The following CNTN6 variants were observed in gnomAD, a reference collection of about 807,000 sequenced individuals.
The protein encoded by CNTN6 is contactin 6.
CNTN6 carries 137 observed loss-of-function variants against 122.8 expected under a neutral mutation model. That is an observed-to-expected ratio of 1.12 (90% CI 0.97 to 1.29). CNTN6 has a LOEUF of 1.29. CNTN6 is among the 50% of genes most tolerant of loss of function. The pLI is 0.00. For synonymous variants in CNTN6, 570 were observed against 426.0 expected (o/e 1.34, Z -4.16); for missense variants, 1,634 against 1,223.4 (o/e 1.34, Z -5.01).
At chr3:1,107,652 G>C (rs946807487) in intron 1 of CNTN6, among the ~76,000 whole-genome samples, 5 of 152,026 alleles carry the variant, frequency 3.3e-5, no homozygotes, top group Admixed American at 1.3e-4. Context: ...CATGCTCCAG[G>C]TGTGGTGGCT....
chr3:1,246,295 C>A (rs1271582217), intron 4 of CNTN6, among the ~76,000 whole-genome samples: 1 of 152,026 alleles, frequency 6.6e-6, no homozygotes. Flanking sequence ...TAAAATCATG[C>A]AATATATAAT....
intron 12 of CNTN6, among the ~76,000 whole-genome samples, chr3:1,357,980 T>A (rs1415577140): frequency 6.6e-6 from 1 of 151,872 alleles, no homozygotes; most frequent in African/African-American, 2.4e-5. Context: ...TAGAACATCA[T>A]TATCATCCAA....
chr3:1,272,861 T>C (rs1396593157), intron 4 of CNTN6, among the ~76,000 whole-genome samples: 7 of 152,222 alleles, frequency 4.6e-5, no homozygotes, highest in East Asian at 3.9e-4. Flanking sequence ...TGCAAAGATA[T>C]ATTCTCTTAC....
intron 5 of CNTN6, among the ~76,000 whole-genome samples, chr3:1,286,638 T>C (rs116090212): frequency 2.6e-4 from 40 of 152,328 alleles, no homozygotes; most frequent in African/African-American, 9.4e-4. Context: ...CAGTCTATCA[T>C]TGATGGGCAT....
At chr3:1,246,700 A>G (rs55902225) in intron 4 of CNTN6, among the ~76,000 whole-genome samples, 1 of 152,116 alleles carries the variant, frequency 6.6e-6, no homozygotes, top group Non-Finnish European at 1.5e-5. Context: ...CAGTCTTTTT[A>G]AAAATTTTAG....
rs1375934593 is a variant in CNTN6 at position 1,299,407 on chromosome 3, T to TG, written c.761+1418dup. Among the ~76,000 whole-genome samples, 26 of 152,288 alleles carry TG rather than the reference T, an allele frequency of 1.7e-4. 1 individual carries two copies. In the East Asian group the frequency reaches 5.0e-3, roughly 29 times the overall value. On this transcript the variant is annotated intron_variant, in intron 7 of 22. Coordinates refer to ENST00000446702, the MANE Select transcript of CNTN6 (RefSeq NM_001289080.2). ...TATTAATAGCTTATTTAATCATATTTGGCATCAGGAAATATAGATTCCTGA... is the reference window on the plus strand; with the variant it reads ...TATTAATAGCTTATTTAATCATATTTGGGCATCAGGAAATATAGATTCCTGA...
In CNTN6 at chr3:1,385,761, T is replaced by C. The variant is rs1382352050; in HGVS notation, c.2668T>C (p.Ser890Pro). 6.2e-7 allele frequency: 1 copy of C among 1,612,864 alleles called. No individual in the cohort carries two copies. Among genetic ancestry groups the C allele is most frequent in the African/African-American group, 1.3e-5 (1 of 74,834 alleles). The part of the protein sequence containing the change: ...RAYNTAGTGP[S>P]SPPVNVTTKK... ...TTACAACACTGCTGGGACAGGGCCC[T>C]CAAGCCCCCCAGTCAATGTTACCAC... The change falls in exon 20 of 23, where the codon TCA (serine) becomes CCA (proline). Residue 890 changes from serine (S) to proline (P), a missense_variant. By Grantham distance (74) the Ser-to-Pro change is moderately conservative. Transcript: ENST00000446702.
intron 11 of CNTN6, among the ~76,000 whole-genome samples, chr3:1,334,218 C>A (rs1702724272): frequency 1.3e-5 from 2 of 152,164 alleles, no homozygotes; most frequent in East Asian, 1.9e-4. Flanking sequence ...TTAGACCCAC[C>A]AGTGGTTTAG....
At chr3:1,140,311 C>A (rs1279510988) in intron 1 of CNTN6, among the ~76,000 whole-genome samples, 3 of 152,114 alleles carry the variant, frequency 2.0e-5, no homozygotes, top group Non-Finnish European at 4.4e-5. Context: ...GAGGCTGGAG[C>A]TATGCTTTGG....
At chr3:1,298,064 C>T in intron 7 of CNTN6, 73 bp downstream of exon 7, 2 of 1,036,534 alleles carry the variant, frequency 1.9e-6, no homozygotes, top group Non-Finnish European at 2.9e-6. Flanking sequence ...TTTTGTTATT[C>T]ATATATTGCT....
chr3:1,348,444 C>T (rs1310171299), intron 11 of CNTN6, among the ~76,000 whole-genome samples: 2 of 151,860 alleles, frequency 1.3e-5, no homozygotes, highest in Admixed American at 1.3e-4. Flanking sequence ...TTTAAGATGC[C>T]ACATAAACTA....
At chr3:1,114,543 C>T (rs1345920166) in intron 1 of CNTN6, among the ~76,000 whole-genome samples, 1 of 152,108 alleles carries the variant, frequency 6.6e-6, no homozygotes, top group Non-Finnish European at 1.5e-5. Flanking sequence ...TTTTCTTTCT[C>T]AAGGGGATCA....
intron 7 of CNTN6, among the ~76,000 whole-genome samples, chr3:1,308,504 T>A (rs1485499087): frequency 2.6e-5 from 4 of 152,246 alleles, no homozygotes; most frequent in South Asian, 4.1e-4. Context: ...GTGTCATTTA[T>A]TTAGGCGCTC....
At chr3:1,213,498 C>A (rs4684826) in intron 2 of CNTN6, among the ~76,000 whole-genome samples, 2 of 151,728 alleles carry the variant, frequency 1.3e-5, no homozygotes, top group Non-Finnish European at 2.9e-5. Context: ...TTTAATATAA[C>A]GCATTTTTAT....
chr3:1,096,377 A>T (rs911635214), intron 1 of CNTN6, among the ~76,000 whole-genome samples: 12 of 151,616 alleles, frequency 7.9e-5, no homozygotes, highest in Non-Finnish European at 1.5e-4. Context: ...TTATTTTAGG[A>T]TTTGTTGTAC....
intron 4 of CNTN6, among the ~76,000 whole-genome samples, chr3:1,268,913 T>A (rs1425576303): frequency 6.6e-6 from 1 of 151,324 alleles, no homozygotes; most frequent in Non-Finnish European, 1.5e-5. Flanking sequence ...CCCAGAGATT[T>A]GAGGTTACAG....
At chr3:1,267,979 G>T (rs1378062719) in intron 4 of CNTN6, among the ~76,000 whole-genome samples, 2 of 151,926 alleles carry the variant, frequency 1.3e-5, no homozygotes, top group African/African-American at 4.8e-5. Flanking sequence ...GGCCTTTTCT[G>T]GATACTCCCC....
chr3:1,178,328 C>T (rs1271107289), intron 2 of CNTN6, among the ~76,000 whole-genome samples: 1 of 152,138 alleles, frequency 6.6e-6, no homozygotes, highest in Non-Finnish European at 1.5e-5. Flanking sequence ...ATGACATCTT[C>T]AAGTCTACCA....
chr3:1,352,566 A>T (rs1705823371), intron 12 of CNTN6, 115 bp downstream of exon 12: 1 of 1,253,204 alleles, frequency 8.0e-7, no homozygotes, highest in East Asian at 2.6e-5. Context: ...TGTTGATTTC[A>T]CAAGTTATCT....
Sources: gnomAD v4.1 joint callset for allele counts (sites outside exome capture counted in the v4.1 genomes callset) on GRCh38, gnomAD v4.1.1 for gene constraint, MANE v1.5 for transcripts, NCBI Gene and HGNC (gene_info 2026-07-23, HGNC 2026-07-21) for gene names.